The following WDPCP variants were observed in gnomAD, a reference collection of about 807,000 sequenced individuals.
WDPCP encodes WD repeat-containing and planar cell polarity effector protein fritz homolog.
A neutral mutation model predicts 93.1 loss-of-function variants in WDPCP; 71 were observed. The observed-to-expected ratio is 0.76, with a 90% confidence interval of 0.63 to 0.93. The LOEUF (loss-of-function observed/expected upper bound fraction) is 0.93, where lower values mean the gene tolerates loss of function less well. Among genes scored for constraint, WDPCP ranks in the 40% least tolerant of loss-of-function variants. WDPCP has a pLI of 0.00. For missense variants in WDPCP, 844 were observed against 887.4 expected, an observed-to-expected ratio of 0.95 and a Z score of 0.62; for synonymous variants, 315 against 315.0, an observed-to-expected ratio of 1.00 and a Z score of 0.00.
chr2:63,126,969 C>T (rs1442051515), intron 17 of WDPCP, among the ~76,000 whole-genome samples: 2 of 151,996 alleles, frequency 1.3e-5, no homozygotes, highest in Non-Finnish European at 2.9e-5. Flanking sequence ...AGGCGTAAGT[C>T]ACCATGCCTG....
In WDPCP at chr2:63,706,772, G is replaced by A. The variant is rs1260340918; in HGVS notation, n.309-55934C>T. Among the ~76,000 whole-genome samples, 40 of 151,000 alleles carry A rather than the reference G, an allele frequency of 2.6e-4. No homozygotes were observed. The South Asian group carries it at 4.8e-3, about 18-fold the overall frequency. The stretch of plus-strand genomic sequence containing the variant: ...GCTGGGACTACAGGCGCCCGCCACC[G>A]CGCCCGGCTAATTTTTTGTATTTTT... On this transcript the variant is annotated intron_variant and non_coding_transcript_variant, in intron 2 of 4. Transcript: ENST00000467687.
chr2:63,345,526 T>C (rs942708374), intron 12 of WDPCP, among the ~76,000 whole-genome samples: 2 of 152,178 alleles, frequency 1.3e-5, no homozygotes, highest in Non-Finnish European at 2.9e-5. Context: ...TTACAGGTAA[T>C]GACTAAATGT....
chr2:63,311,622 G>A (rs369438105), intron 13 of WDPCP, among the ~76,000 whole-genome samples: 17 of 152,218 alleles, frequency 1.1e-4, no homozygotes, highest in African/African-American at 3.9e-4. Flanking sequence ...TCTTTTATGT[G>A]TAAAAATCAT....
chr2:63,407,150 G>A (rs2105222989), intron 9 of WDPCP, among the ~76,000 whole-genome samples: 1 of 152,188 alleles, frequency 6.6e-6, no homozygotes, highest in South Asian at 2.1e-4. Context: ...GTGTGATACA[G>A]AGAGATCGAG....
At chr2:63,423,141 G>C (rs1226882946) in intron 9 of WDPCP, among the ~76,000 whole-genome samples, 1 of 152,150 alleles carries the variant, frequency 6.6e-6, no homozygotes, top group African/African-American at 2.4e-5. Flanking sequence ...GGTGGTTTCA[G>C]GAGTGTTTCC....
At chr2:63,239,730 A>G (rs1679712481) in intron 14 of WDPCP, among the ~76,000 whole-genome samples, 1 of 152,136 alleles carries the variant, frequency 6.6e-6, no homozygotes, top group Non-Finnish European at 1.5e-5. Flanking sequence ...TCTTGTTTCT[A>G]TAATAGCTCC....
At chr2:63,363,513 G>A (rs1462083973) in intron 12 of WDPCP, among the ~76,000 whole-genome samples, 1 of 152,090 alleles carries the variant, frequency 6.6e-6, no homozygotes, top group Non-Finnish European at 1.5e-5. Context: ...TGGGACGACT[G>A]ATTGAGCCTG....
At chr2:63,376,377 T>C (rs1691854721) in intron 12 of WDPCP, among the ~76,000 whole-genome samples, 1 of 151,888 alleles carries the variant, frequency 6.6e-6, no homozygotes, top group Non-Finnish European at 1.5e-5. Context: ...TATCAAAGTA[T>C]GTCCAAAAAA....
chr2:63,458,574 A>C (rs1698795718), intron 6 of WDPCP, among the ~76,000 whole-genome samples: 1 of 152,178 alleles, frequency 6.6e-6, no homozygotes, highest in Non-Finnish European at 1.5e-5. Flanking sequence ...TAAAACACTG[A>C]CGAAAGAAAC....
upstream of WDPCP, among the ~76,000 whole-genome samples, chr2:63,828,466 C>T (rs374150645): frequency 6.6e-6 from 1 of 152,222 alleles, no homozygotes; most frequent in South Asian, 2.1e-4. Flanking sequence ...GAATATATAT[C>T]TATGTGGGGA....
At chr2:63,636,598 C>G (rs1709922728) in intron 3 of WDPCP, among the ~76,000 whole-genome samples, 1 of 152,116 alleles carries the variant, frequency 6.6e-6, no homozygotes, top group Non-Finnish European at 1.5e-5. Flanking sequence ...ACATGCCTGG[C>G]TAATCTTTTT....
intron 1 of WDPCP, among the ~76,000 whole-genome samples, chr2:63,494,737 G>A (rs1262448652): frequency 6.6e-6 from 1 of 152,046 alleles, no homozygotes; most frequent in Non-Finnish European, 1.5e-5. Flanking sequence ...TGGCTAACAC[G>A]GTGAAACCTC....
intron 1 of WDPCP, among the ~76,000 whole-genome samples, chr2:63,543,324 C>G (rs1704889359): frequency 6.6e-6 from 1 of 152,000 alleles, no homozygotes; most frequent in African/African-American, 2.4e-5. Context: ...TAAATTGATC[C>G]TGATTTTCTG....
At chr2:63,492,305 C>A (rs1466295796) in intron 2 of WDPCP, among the ~76,000 whole-genome samples, 1 of 151,948 alleles carries the variant, frequency 6.6e-6, no homozygotes, top group Admixed American at 6.6e-5. Context: ...ATTCTCCCCC[C>A]CCAAAATTGT....
chr2:63,285,433 C>CAAA (rs749712426), intron 13 of WDPCP, among the ~76,000 whole-genome samples: 1 of 50,862 alleles, frequency 2.0e-5, no homozygotes, highest in Non-Finnish European at 4.0e-5. Flanking sequence ...GACTCCATCT[C>CAAA]AAAAAAAAAA....
Position 63,152,921 on chromosome 2 carries a change from C to G in WDPCP, c.2183G>C (p.Arg728Thr). The G allele has an allele frequency of 3.1e-6, 5 of 1,611,982 alleles. No individual in the cohort carries two copies. Among genetic ancestry groups the G allele is most frequent in the Non-Finnish European group, 1.7e-6 (2 of 1,178,450 alleles). The change falls in exon 17 of 18, where the codon AGA becomes ACA. Residue 728 changes from arginine to threonine, a missense_variant. Arg to Thr is a moderately conservative substitution (Grantham distance 71, BLOSUM62 -1). Coordinates refer to ENST00000272321, the MANE Select transcript of WDPCP (RefSeq NM_015910.7). ...AEDGELREDG[R>T]EQEIRDGGSL... ...ACAGAGAAAGTGTTTTACCTGTTCT[C>G]TGCCGTCTTCTCTCAGTTCTCCGTC...
At chr2:63,646,999 C>T (rs1223198886) in intron 3 of WDPCP, among the ~76,000 whole-genome samples, 1 of 152,120 alleles carries the variant, frequency 6.6e-6, no homozygotes, top group African/African-American at 2.4e-5. Flanking sequence ...ACTTTCTACT[C>T]CTATCTCTTC....
chr2:63,615,957 T>G (rs1709667898), intron 3 of WDPCP, among the ~76,000 whole-genome samples: 1 of 152,234 alleles, frequency 6.6e-6, no homozygotes, highest in Admixed American at 6.5e-5. Flanking sequence ...ATTCTCAGGC[T>G]TGAGCTGGGG....
intron 17 of WDPCP, among the ~76,000 whole-genome samples, chr2:63,130,647 C>A (rs2153399220): frequency 6.6e-6 from 1 of 151,710 alleles, no homozygotes; most frequent in African/African-American, 2.4e-5. Flanking sequence ...TCTATTTCTG[C>A]AAAGATATAT....
Sources: allele counts gnomAD v4.1 joint callset (sites outside exome capture counted in the v4.1 genomes callset), GRCh38; gene constraint gnomAD v4.1.1; transcripts MANE v1.5; gene names NCBI Gene and HGNC (gene_info 2026-07-23, HGNC 2026-07-21).